CROCC2: variants seen among roughly 807,000 people sequenced by gnomAD.
The protein encoded by CROCC2 is ciliary rootlet coiled-coil, rootletin family member 2, also known as ciliary rootlet coiled-coil protein 2.
Under a neutral mutation model 177.6 loss-of-function variants are expected in CROCC2, and 163 were observed. That is an observed-to-expected ratio of 0.92 (90% CI 0.81 to 1.05). The LOEUF (loss-of-function observed/expected upper bound fraction) is 1.05. CROCC2 is among the 50% of genes least tolerant of loss of function. CROCC2 has a pLI of 0.00. For missense variants in CROCC2, 1,929 were observed against 1,797.8 expected, an observed-to-expected ratio of 1.07 and a Z score of -1.32; for synonymous variants, 904 against 787.3, an observed-to-expected ratio of 1.15 and a Z score of -2.48.
Position 240,955,816 on chromosome 2 carries a change from G to A in CROCC2, c.2830-43G>A, listed in dbSNP as rs566672935. Reference sequence around the variant, plus strand: ...TAGAGGGGGGCCTCTTCCCTCCCCCGAGACTCCCCAACTTTCTCACAAGCA... The same window carrying A: ...TAGAGGGGGGCCTCTTCCCTCCCCCAAGACTCCCCAACTTTCTCACAAGCA... On this transcript the variant is annotated intron_variant, in intron 18 of 31. Transcript: ENST00000690015. The A allele has an allele frequency of 4.6e-5, 66 of 1,434,810 alleles. 1 individual carries two copies. The highest frequency in any genetic ancestry group is 3.8e-4 in the South Asian group (31 of 81,964). The allele number at this position is 1,434,810 out of a possible 1,614,324, so 88.9% of individuals were successfully genotyped here. A position where few individuals can be genotyped will look rare whatever the true frequency, so the allele number is the denominator to read the frequency against.
Position 240,949,433 on chromosome 2 carries a change from G to T in CROCC2, c.2483-100G>T. The T allele has an allele frequency of 7.2e-7, 1 of 1,394,716 alleles. No homozygotes were observed. Among genetic ancestry groups the T allele is most frequent in the Non-Finnish European group, 9.8e-7 (1 of 1,025,252 alleles). 86.4% of individuals were successfully genotyped at this position (1,394,716 alleles called of 1,614,324 possible). A position where few individuals can be genotyped will look rare whatever the true frequency, so the allele number is the denominator to read the frequency against. On this transcript the variant is annotated intron_variant, in intron 16 of 31. Coordinates refer to ENST00000690015, the MANE Select transcript of CROCC2 (RefSeq NM_001351305.2). This position sits in a 1 kb window ranked among gnomAD's most constrained non-coding sequence, Gnocchi z 4.5. Reference sequence around the variant, plus strand: ...GCCACCCACTCCCGGAGCCTGGAGTGGACAGTGCTTGCCCCCAAGACTGTC... The same window carrying T: ...GCCACCCACTCCCGGAGCCTGGAGTTGACAGTGCTTGCCCCCAAGACTGTC...
chr2:240,954,176 G>A (rs960736232), intron 18 of CROCC2, among the ~76,000 whole-genome samples: 1 of 152,118 alleles, frequency 6.6e-6, no homozygotes, highest in African/African-American at 2.4e-5. Context: ...CCCCACTCCT[G>A]CCCCTCCCCT....
At chr2:240,962,640 G>C (rs1461057693) in intron 20 of CROCC2, among the ~76,000 whole-genome samples, 1 of 152,224 alleles carries the variant, frequency 6.6e-6, no homozygotes, top group Non-Finnish European at 1.5e-5. Context: ...CCAGCGACTT[G>C]ACATCGCGGA....
intron 31 of CROCC2, 98 bp downstream of exon 31, chr2:240,991,376 G>A: frequency 9.3e-7 from 1 of 1,073,998 alleles, no homozygotes. Flanking sequence ...GCCCTAGGCT[G>A]CTGGGGGAAC....
At chr2:240,961,803 A>ACACACACACACACACACG (rs1553661611) in intron 20 of CROCC2, among the ~76,000 whole-genome samples, 1 of 76,168 alleles carries the variant, frequency 1.3e-5, no homozygotes, top group African/African-American at 6.5e-5. Flanking sequence ...ACTCACACAT[A>ACACACACACACACACACG]CACTCACATA....
chr2:240,907,515 G>A (rs553624396), intron 1 of CROCC2, among the ~76,000 whole-genome samples: 9 of 152,242 alleles, frequency 5.9e-5, no homozygotes, highest in East Asian at 3.9e-4. Flanking sequence ...ACTATGCCAC[G>A]GCAGGCTGAC....
chr2:240,925,371 C>T (rs532060643), intron 4 of CROCC2, among the ~76,000 whole-genome samples: 13 of 152,250 alleles, frequency 8.5e-5, no homozygotes, highest in African/African-American at 2.2e-4. Context: ...CACCCCGCCC[C>T]GCGAAAGGCA....
intron 14 of CROCC2, among the ~76,000 whole-genome samples, chr2:240,944,742 A>G (rs1460740084): frequency 6.6e-6 from 1 of 152,174 alleles, no homozygotes; most frequent in Non-Finnish European, 1.5e-5. Flanking sequence ...TAACTCCAAT[A>G]TCTAGATAAC....
chr2:240,964,577 G>A lies in CROCC2; in HGVS notation c.3417G>A (p.Glu1139=). ...TGCGGGCCCACCTGTGGGAGCTGGA[G>A]CAGGCAGGGGGGGACGCCCGTCAGG... ...SALRAHLWEL[E]QAGGDARQEL... is the part of the protein sequence containing the mutation. Residue 1139 remains glutamate (E), a synonymous_variant, in exon 22 of 32, where the codon GAG becomes GAA. Coordinates refer to ENST00000690015, the MANE Select transcript of CROCC2 (RefSeq NM_001351305.2). 6.5e-7 allele frequency: 1 copy of A among 1,549,714 alleles called. No homozygotes were observed. Among genetic ancestry groups the A allele is most frequent in the East Asian group, 2.4e-5 (1 of 40,910 alleles).
chr2:240,921,433 T>C (rs1034185107), intron 3 of CROCC2, among the ~76,000 whole-genome samples: 1 of 152,070 alleles, frequency 6.6e-6, no homozygotes, highest in East Asian at 1.9e-4. Context: ...CCTACAGCTG[T>C]GGGGAGGCCT....
rs113529555 is a variant in CROCC2 at position 240,958,451 on chromosome 2, C to A, written c.2944-850C>A. 1.1e-5 allele frequency: 4 copies of A among 355,188 alleles called. No individual in the cohort carries two copies. Among genetic ancestry groups the A allele is most frequent in the African/African-American group, 2.2e-5 (1 of 45,302 alleles). 22.0% of individuals were successfully genotyped at this position (355,188 alleles called of 1,614,324 possible). On this transcript the variant is annotated intron_variant, in intron 19 of 31. Transcript: ENST00000690015. The surrounding 1 kb of genome is among the most constrained non-coding windows in gnomAD (Gnocchi z 6.7). Reference sequence around the variant, plus strand: ...AGCAGGGGGCACAGGCTGCAGGAACCCCCACCCTAGCAGAATCCAGGTGGA... The same window carrying A: ...AGCAGGGGGCACAGGCTGCAGGAACACCCACCCTAGCAGAATCCAGGTGGA...
rs548114873 is a variant in CROCC2 at position 240,950,681 on chromosome 2, G to A, written c.2829+171G>A. ...CGTCCACTCACCCACCCACCTATCT[G>A]TTCATCCAGCCATCTGTCCATTCAT... On this transcript the variant is annotated intron_variant, in intron 18 of 31. Coordinates refer to ENST00000690015, the MANE Select transcript of CROCC2 (RefSeq NM_001351305.2). 1.8e-3 allele frequency: 1,130 copies of A among 623,684 alleles called. 22 individuals carry two copies. In the South Asian group the frequency reaches 0.025, roughly 14 times the overall value. 38.6% of individuals were successfully genotyped at this position (623,684 alleles called of 1,614,324 possible). A position where few individuals can be genotyped will look rare whatever the true frequency, so the allele number is the denominator to read the frequency against.
intron 8 of CROCC2, 54 bp downstream of exon 8, chr2:240,932,468 A>G (rs1329193714): frequency 4.2e-6 from 3 of 715,778 alleles, no homozygotes; most frequent in East Asian, 2.7e-5. Context: ...ACCCTTGCTC[A>G]GGAGTCTCCC....
chr2:240,949,828 G>A lies in CROCC2; in HGVS notation c.2652+126G>A. ...GAGACATAGGCGCCTGGCCAGGGCT[G>A]GGCAAGGACCAGCTCACTCTTTATA... On this transcript the variant is annotated intron_variant, in intron 17 of 31. Coordinates refer to ENST00000690015, the MANE Select transcript of CROCC2 (RefSeq NM_001351305.2). This position sits in a 1 kb window ranked among gnomAD's most constrained non-coding sequence, Gnocchi z 4.5. The A allele has an allele frequency of 1.0e-6, 1 of 995,716 alleles. No individual in the cohort carries two copies. The highest frequency in any genetic ancestry group is 2.6e-5 in the East Asian group (1 of 37,830). 61.7% of individuals were successfully genotyped at this position (995,716 alleles called of 1,614,324 possible).
chr2:240,951,571 T>C (rs187842305), intron 18 of CROCC2, among the ~76,000 whole-genome samples: 1 of 152,156 alleles, frequency 6.6e-6, no homozygotes, highest in African/African-American at 2.4e-5. Context: ...TAGCTGTCCA[T>C]CCACACACCT....
At chr2:240,962,592 G>C (rs897204038) in intron 20 of CROCC2, among the ~76,000 whole-genome samples, 1 of 152,206 alleles carries the variant, frequency 6.6e-6, no homozygotes, top group East Asian at 1.9e-4. Context: ...ACAATATCCC[G>C]TGAAAACAGC....
At chr2:240,906,660 G>A (rs1413695950) in intron 1 of CROCC2, 69 bp downstream of exon 1, 2 of 398,968 alleles carry the variant, frequency 5.0e-6, no homozygotes, top group Non-Finnish European at 8.8e-6. Context: ...GAAGGGACGC[G>A]GCAAAGAGAG....
chr2:240,947,777 G>T (rs1036752860), intron 15 of CROCC2, among the ~76,000 whole-genome samples: 3 of 152,102 alleles, frequency 2.0e-5, no homozygotes, highest in African/African-American at 7.2e-5. Context: ...CTCCCTTCAT[G>T]GAGTCCTGGC....
chr2:240,921,652 G>T (rs1331478794), intron 3 of CROCC2, among the ~76,000 whole-genome samples: 1 of 152,216 alleles, frequency 6.6e-6, no homozygotes, highest in East Asian at 1.9e-4. Context: ...TTACCCCCAA[G>T]ACAGGCGGAA....
Sources: allele counts gnomAD v4.1 joint callset (sites outside exome capture counted in the v4.1 genomes callset), GRCh38; gene constraint gnomAD v4.1.1; non-coding constraint Gnocchi (gnomAD v3.1); transcripts MANE v1.5; gene names NCBI Gene and HGNC (gene_info 2026-07-23, HGNC 2026-07-21).